Variants in LRRC4C observed in about 807,000 individuals in gnomAD.
The protein encoded by LRRC4C is leucine rich repeat containing 4C, also known as leucine-rich repeat-containing protein 4C.
In LRRC4C, 5 loss-of-function variants were observed where a neutral mutation model predicts 33.6. That is an observed-to-expected ratio of 0.15 (90% CI 0.08 to 0.31). The LOEUF is 0.31. Among genes scored for constraint, LRRC4C ranks in the 10% least tolerant of loss-of-function variants. LRRC4C has a pLI of 1.00. For missense variants in LRRC4C, 560 were observed against 796.7 expected, an observed-to-expected ratio of 0.70 and a Z score of 3.58; for synonymous variants, 329 against 302.0, an observed-to-expected ratio of 1.09 and a Z score of -0.93.
chr11:41,091,021 C>G (rs1940378389), intron 1 of LRRC4C, among the ~76,000 whole-genome samples: 2 of 152,052 alleles, frequency 1.3e-5, no homozygotes, highest in Admixed American at 1.3e-4. Flanking sequence ...AAGAAAAAAG[C>G]ATTGAATGAG....
At chr11:40,671,901 T>G (rs1565621499) in intron 2 of LRRC4C, among the ~76,000 whole-genome samples, 3 of 152,064 alleles carry the variant, frequency 2.0e-5, no homozygotes, top group Non-Finnish European at 4.4e-5. Context: ...AAACGAGATT[T>G]TGTCTGTCTT....
At chr11:40,248,804 G>A (rs767359485) in intron 4 of LRRC4C, among the ~76,000 whole-genome samples, 1 of 152,076 alleles carries the variant, frequency 6.6e-6, no homozygotes, top group Non-Finnish European at 1.5e-5. Context: ...CATATTTTAC[G>A]CATATATCAA....
chr11:41,172,622 T>G (rs531684021), intron 1 of LRRC4C, among the ~76,000 whole-genome samples: 9 of 152,168 alleles, frequency 5.9e-5, no homozygotes, highest in Non-Finnish European at 1.0e-4. Context: ...TAATTTTTCA[T>G]TCATGGCCTA....
intron 2 of LRRC4C, among the ~76,000 whole-genome samples, chr11:40,682,703 G>A (rs868396144): frequency 6.6e-6 from 1 of 151,332 alleles, no homozygotes; most frequent in Non-Finnish European, 1.5e-5. Flanking sequence ...CCCTGGAGAT[G>A]GTGGTTGCAC....
intron 1 of LRRC4C, among the ~76,000 whole-genome samples, chr11:41,152,579 A>T (rs1193525351): frequency 6.6e-6 from 1 of 152,166 alleles, no homozygotes; most frequent in Non-Finnish European, 1.5e-5. Flanking sequence ...AAAGCTATAA[A>T]AGTCATTTAT....
intron 1 of LRRC4C, among the ~76,000 whole-genome samples, chr11:40,948,834 G>A (rs1456239185): frequency 2.6e-5 from 4 of 151,812 alleles, no homozygotes; most frequent in East Asian, 3.9e-4. Flanking sequence ...ACATACGTGT[G>A]CATGTGTCTT....
intron 4 of LRRC4C, among the ~76,000 whole-genome samples, chr11:40,274,264 C>T (rs1195870523): frequency 6.6e-6 from 1 of 151,766 alleles, no homozygotes; most frequent in Non-Finnish European, 1.5e-5. Flanking sequence ...GGGAAAGATT[C>T]CCGTCAAGCC....
intron 4 of LRRC4C, among the ~76,000 whole-genome samples, chr11:40,255,320 A>G (rs2136212110): frequency 1.3e-5 from 2 of 152,286 alleles, no homozygotes; most frequent in East Asian, 3.9e-4. Context: ...CAACAAAAGC[A>G]AAAACACTGA....
At chr11:40,834,068 G>A (rs1290169931) in intron 2 of LRRC4C, among the ~76,000 whole-genome samples, 7 of 152,060 alleles carry the variant, frequency 4.6e-5, no homozygotes, top group Non-Finnish European at 1.0e-4. Context: ...TATATTTAAT[G>A]AGCAGGACAC....
intron 1 of LRRC4C, among the ~76,000 whole-genome samples, chr11:41,014,655 T>C (rs968951811): frequency 6.6e-6 from 1 of 152,132 alleles, no homozygotes; most frequent in African/African-American, 2.4e-5. Flanking sequence ...CCCTTCTAGA[T>C]GAAGGGACTA....
chr11:40,527,922 A>C (rs1956121920), intron 3 of LRRC4C, among the ~76,000 whole-genome samples: 1 of 151,894 alleles, frequency 6.6e-6, no homozygotes, highest in African/African-American at 2.4e-5. Context: ...CTAATTTTGC[A>C]CTTAGTAGAG....
At chr11:40,805,599 ATAAG>A (rs1402834164) in intron 2 of LRRC4C, among the ~76,000 whole-genome samples, 6 of 152,202 alleles carry the variant, frequency 3.9e-5, no homozygotes, top group African/African-American at 7.2e-5. Context: ...GAGTGTGACG[ATAAG>A]TAAGACATTA....
chr11:40,141,360 A>T (rs968457295), intron 5 of LRRC4C, among the ~76,000 whole-genome samples: 4 of 152,246 alleles, frequency 2.6e-5, no homozygotes, highest in Admixed American at 2.6e-4. Flanking sequence ...CTCTCTCTAC[A>T]CATCTCTCAT....
At chr11:41,239,642 TC>T in intron 1 of LRRC4C, among the ~76,000 whole-genome samples, 1 of 152,162 alleles carries the variant, frequency 6.6e-6, no homozygotes, top group African/African-American at 2.4e-5. Context: ...CATACTCCAT[TC>T]TGTCCATTCT....
chr11:41,040,623 G>A (rs1410784258), intron 1 of LRRC4C, among the ~76,000 whole-genome samples: 6 of 152,122 alleles, frequency 3.9e-5, no homozygotes, highest in Non-Finnish European at 8.8e-5. Context: ...CCAAGAAAAA[G>A]GACTTCAAAT....
intron 4 of LRRC4C, among the ~76,000 whole-genome samples, chr11:40,305,494 T>A (rs965767646): frequency 6.6e-6 from 1 of 151,982 alleles, no homozygotes. Context: ...GAAGTCGAGG[T>A]AGAGATTTGA....
At chr11:40,784,865 G>A (rs1292722763) in intron 2 of LRRC4C, among the ~76,000 whole-genome samples, 2 of 151,244 alleles carry the variant, frequency 1.3e-5, no homozygotes, top group African/African-American at 2.4e-5. Flanking sequence ...TTAGAAAGAA[G>A]AAAGCAAAGA....
chr11:41,152,811 T>C (rs956448789), intron 1 of LRRC4C, among the ~76,000 whole-genome samples: 1 of 152,168 alleles, frequency 6.6e-6, no homozygotes, highest in African/African-American at 2.4e-5. Context: ...TGGACAGTCT[T>C]TGGAGGTCAC....
intron 1 of LRRC4C, among the ~76,000 whole-genome samples, chr11:41,170,554 G>A (rs897652245): frequency 7.2e-5 from 11 of 152,172 alleles, no homozygotes; most frequent in Non-Finnish European, 1.6e-4. Flanking sequence ...CTAGCCATAT[G>A]TAGAAAGCTG....
Sources: allele counts gnomAD v4.1 joint callset (sites outside exome capture counted in the v4.1 genomes callset), GRCh38; gene constraint gnomAD v4.1.1; transcripts MANE v1.5; gene names NCBI Gene and HGNC (gene_info 2026-07-23, HGNC 2026-07-21).